DNAJB14: variants seen among roughly 807,000 people sequenced by gnomAD.
DNAJB14 encodes the protein dnaJ homolog subfamily B member 14.
A neutral mutation model predicts 48.4 loss-of-function variants in DNAJB14; 22 were observed. The observed-to-expected ratio is 0.45, with a 90% CI of 0.32 to 0.65. DNAJB14 has a LOEUF of 0.65. Ranked by LOEUF, DNAJB14 falls within the 30% of genes least tolerant of loss-of-function variation. The pLI, the probability that DNAJB14 is intolerant of heterozygous loss-of-function variation, is 0.03. For synonymous variants in DNAJB14, 142 were observed against 158.7 expected, an observed-to-expected ratio of 0.89 and a Z score of 0.79; for missense variants, 319 against 458.8, an observed-to-expected ratio of 0.70 and a Z score of 2.78.
At chr4:99,935,073 G>C (rs375758212) in intron 1 of DNAJB14, among the ~76,000 whole-genome samples, 1 of 151,564 alleles carries the variant, frequency 6.6e-6, no homozygotes, top group East Asian at 1.9e-4. Context: ...TGTACAATAG[G>C]AGTACTGAAG....
At chr4:99,936,043 C>T (rs528354536) in intron 1 of DNAJB14, among the ~76,000 whole-genome samples, 6 of 152,130 alleles carry the variant, frequency 3.9e-5, no homozygotes, top group South Asian at 2.1e-4. Flanking sequence ...ACTCCAACCT[C>T]GGTGACACAG....
At chr4:99,935,550 C>A (rs1363680229) in intron 1 of DNAJB14, among the ~76,000 whole-genome samples, 1 of 152,184 alleles carries the variant, frequency 6.6e-6, no homozygotes, top group Non-Finnish European at 1.5e-5. Flanking sequence ...GTTATTTATA[C>A]AACTAAGACT....
chr4:99,930,708 A>G (rs1726437244), intron 1 of DNAJB14, 87 bp from the exon 2 acceptor site: 2 of 1,393,508 alleles, frequency 1.4e-6, no homozygotes, highest in South Asian at 3.1e-5. Flanking sequence ...CAGACAAATT[A>G]TGAAGTGTGT....
intron 7 of DNAJB14, among the ~76,000 whole-genome samples, chr4:99,902,461 T>A (rs541484453): frequency 6.6e-6 from 1 of 152,134 alleles, no homozygotes; most frequent in South Asian, 2.1e-4. Context: ...TGTAAGCTTC[T>A]CCACACTGAG....
At chr4:99,941,751 G>A (rs1035482379) in intron 1 of DNAJB14, among the ~76,000 whole-genome samples, 6 of 152,076 alleles carry the variant, frequency 3.9e-5, no homozygotes, top group African/African-American at 1.4e-4. Context: ...GGAAATTGAG[G>A]TTCGGAAAGA....
intron 3 of DNAJB14, among the ~76,000 whole-genome samples, chr4:99,919,855 A>C (rs1181681925): frequency 6.6e-6 from 1 of 152,216 alleles, no homozygotes; most frequent in African/African-American, 2.4e-5. Context: ...TTCGCTGCCA[A>C]GGTTTTGCCA....
intron 1 of DNAJB14, among the ~76,000 whole-genome samples, chr4:99,936,210 A>G (rs949384096): frequency 1.3e-4 from 20 of 152,230 alleles, no homozygotes; most frequent in African/African-American, 4.8e-4. Context: ...GCAATTTGTT[A>G]CATAAAAGGG....
intron 7 of DNAJB14, 129 bp from the exon 8 acceptor site, chr4:99,901,281 C>A: frequency 1.1e-6 from 1 of 899,684 alleles, no homozygotes; most frequent in South Asian, 2.5e-5. Flanking sequence ...AATCAAAGTA[C>A]AATTCCTAAA....
intron 2 of DNAJB14, chr4:99,927,558 A>T (rs1335250028): frequency 6.6e-6 from 1 of 152,200 alleles, no homozygotes; most frequent in African/African-American, 2.4e-5. Flanking sequence ...AAGTTTTTCA[A>T]TGGTATGTTA....
At chr4:99,930,801 C>G (rs1219546691) in intron 1 of DNAJB14, among the ~76,000 whole-genome samples, 180 bp from the exon 2 acceptor site, 1 of 152,172 alleles carries the variant, frequency 6.6e-6, no homozygotes, top group Non-Finnish European at 1.5e-5. Flanking sequence ...CACTAATCAC[C>G]ATCTAGAAGT....
At chr4:99,902,926 GCAT>G (rs915958630) in intron 7 of DNAJB14, among the ~76,000 whole-genome samples, 14 of 152,184 alleles carry the variant, frequency 9.2e-5, no homozygotes, top group African/African-American at 3.1e-4. Context: ...ACTGAAACAG[GCAT>G]TATATAAATG....
Position 99,900,920 on chromosome 4 carries a change from A to G in DNAJB14, c.*108T>C. 1 of 1,220,476 alleles carries G rather than the reference A, an allele frequency of 8.2e-7. No individual in the cohort carries two copies. Among genetic ancestry groups the G allele is most frequent in the South Asian group, 1.7e-5 (1 of 59,452 alleles). 75.6% of individuals were successfully genotyped at this position (1,220,476 alleles called of 1,614,324 possible). A position where few individuals can be genotyped will look rare whatever the true frequency, so the allele number is the denominator to read the frequency against. ...CCAAGATTTCAGGAACCAACTATTCAGTTTAGTTTTCAGTATCAAATCTTT... is the reference window on the plus strand; with the variant it reads ...CCAAGATTTCAGGAACCAACTATTCGGTTTAGTTTTCAGTATCAAATCTTT... On this transcript the variant is annotated 3_prime_UTR_variant, in exon 8 of 8. Transcript: ENST00000442697.
intron 1 of DNAJB14, among the ~76,000 whole-genome samples, chr4:99,941,419 A>T (rs986339672): frequency 2.0e-5 from 3 of 152,224 alleles, no homozygotes; most frequent in Admixed American, 6.5e-5. Flanking sequence ...ACTCCAAGGT[A>T]CTATTCAAGT....
At chr4:99,912,034 C>G (rs1896166) in intron 3 of DNAJB14, among the ~76,000 whole-genome samples, 1 of 152,018 alleles carries the variant, frequency 6.6e-6, no homozygotes, top group Admixed American at 6.5e-5. Flanking sequence ...TGATCTATTT[C>G]GAGTTCATTT....
chr4:99,939,230 T>C (rs1726801436), intron 1 of DNAJB14, among the ~76,000 whole-genome samples: 1 of 152,088 alleles, frequency 6.6e-6, no homozygotes, highest in Non-Finnish European at 1.5e-5. Flanking sequence ...GACATGGTGG[T>C]GCATGCCTGT....
chr4:99,917,336 T>C (rs1236441739), intron 3 of DNAJB14, among the ~76,000 whole-genome samples: 2 of 152,220 alleles, frequency 1.3e-5, no homozygotes, highest in African/African-American at 4.8e-5. Flanking sequence ...ATAAACTGCA[T>C]AGTTTATAAC....
At chr4:99,934,122 G>C (rs745737798) in intron 1 of DNAJB14, among the ~76,000 whole-genome samples, 1 of 151,720 alleles carries the variant, frequency 6.6e-6, no homozygotes, top group Non-Finnish European at 1.5e-5. Context: ...GAAACTCCTG[G>C]GAACAGGACC....
chr4:99,921,290 GGTAA>G (rs1726050360), intron 3 of DNAJB14, among the ~76,000 whole-genome samples: 1 of 152,120 alleles, frequency 6.6e-6, no homozygotes, highest in South Asian at 2.1e-4. Flanking sequence ...CCGGCATGTT[GGTAA>G]GTATTAAGTT....
Position 99,937,087 on chromosome 4 carries a change from C to A in DNAJB14, c.134-6466G>T, listed in dbSNP as rs970883438. On this transcript the variant is annotated intron_variant, in intron 1 of 7. Coordinates refer to ENST00000442697, the MANE Select transcript of DNAJB14 (RefSeq NM_001031723.4). ...ATCCCAGAACTTTGGGAGGCCGAGG[C>A]GGGCGGATCAGGAGGTCAGGAGATC... Among the ~76,000 whole-genome samples the A allele has an allele frequency of 2.0e-5, 3 of 151,904 alleles. No homozygotes were observed. In the South Asian group the frequency reaches 6.2e-4, roughly 32 times the overall value.
Sources: gnomAD v4.1 joint callset for allele counts (sites outside exome capture counted in the v4.1 genomes callset) on GRCh38, gnomAD v4.1.1 for gene constraint, MANE v1.5 for transcripts, NCBI Gene and HGNC (gene_info 2026-07-23, HGNC 2026-07-21) for gene names.